The following MALRD1 variants were observed in gnomAD, a reference collection of about 807,000 sequenced individuals.
MALRD1 encodes the protein MAM and LDL-receptor class A domain-containing protein 1.
In MALRD1, 247 loss-of-function variants were observed where a neutral mutation model predicts 242.1. The ratio of observed to expected loss-of-function variants is 1.02; its 90% CI spans 0.92 to 1.13. MALRD1 has a LOEUF of 1.13. Ranked by LOEUF, MALRD1 falls within the 50% of genes most tolerant of loss-of-function variation. The pLI, the probability that MALRD1 is intolerant of heterozygous loss-of-function variation, is 0.00. For synonymous variants in MALRD1, 995 were observed against 866.6 expected (o/e 1.15, Z -2.60); for missense variants, 2,989 against 2,533.1 (o/e 1.18, Z -3.86).
intron 33 of MALRD1, among the ~76,000 whole-genome samples, chr10:19,570,590 A>G (rs1172599167): frequency 6.6e-6 from 1 of 152,026 alleles, no homozygotes; most frequent in Admixed American, 6.6e-5. Flanking sequence ...TTGAACACCT[A>G]TGTCATATAA....
intron 31 of MALRD1, among the ~76,000 whole-genome samples, chr10:19,508,990 A>G (rs1589171987): frequency 2.6e-5 from 4 of 152,312 alleles, no homozygotes; most frequent in Admixed American, 2.6e-4. Flanking sequence ...TCTATTTGAC[A>G]TCCAATCCAC....
In MALRD1 at chr10:19,611,636, T is replaced by A. The variant is rs78918937; in HGVS notation, c.6070+3734T>A. On this transcript the variant is annotated intron_variant, in intron 35 of 39. Transcript: ENST00000454679. ...ATCCCATAGATTCCCAGTTCCCATA[T>A]TGGGAATTATATCTACTTATCTCCT... Among the ~76,000 whole-genome samples the A allele has an allele frequency of 2.6e-3, 396 of 152,130 alleles. 6 individuals carry two copies. In the East Asian group the frequency reaches 0.059, roughly 23 times the overall value.
chr10:19,369,424 A>G (rs886107225), intron 26 of MALRD1, among the ~76,000 whole-genome samples: 4 of 148,200 alleles, frequency 2.7e-5, no homozygotes, highest in African/African-American at 9.8e-5. Context: ...TCTTCTATGG[A>G]GTAGCTGCTG....
intron 28 of MALRD1, among the ~76,000 whole-genome samples, chr10:19,423,919 A>G (rs1833806804): frequency 6.6e-6 from 1 of 152,268 alleles, no homozygotes; most frequent in African/African-American, 2.4e-5. Flanking sequence ...GACTAAATGG[A>G]GGTGATTATT....
chr10:19,581,326 G>A (rs1261594126), intron 33 of MALRD1, among the ~76,000 whole-genome samples: 112 of 137,612 alleles, frequency 8.1e-4, no homozygotes, highest in African/African-American at 6.4e-4. Context: ...CCACTAACTC[G>A]TCATCTAGCA....
intron 28 of MALRD1, among the ~76,000 whole-genome samples, chr10:19,395,083 G>T (rs1461371844): frequency 6.6e-6 from 1 of 152,148 alleles, no homozygotes; most frequent in Non-Finnish European, 1.5e-5. Context: ...AATCGTTTCA[G>T]TATCTTAGCA....
chr10:19,291,417 C>G (rs927575364), intron 21 of MALRD1: 1 of 152,056 alleles, frequency 6.6e-6, no homozygotes, highest in Non-Finnish European at 1.5e-5. Context: ...TGCAGTCACT[C>G]AAACCTGTAA....
intron 29 of MALRD1, chr10:19,491,131 T>G: frequency 2.5e-6 from 1 of 397,028 alleles, no homozygotes; most frequent in South Asian, 2.3e-5. Flanking sequence ...ACCAGGAGCA[T>G]TACGAGCAGC....
chr10:19,181,516 G>A, intron 14 of MALRD1, among the ~76,000 whole-genome samples: 1 of 152,168 alleles, frequency 6.6e-6, no homozygotes, highest in Non-Finnish European at 1.5e-5. Context: ...TACAGATATA[G>A]AGAATGAAAC....
chr10:19,125,314 C>T (rs557360333), intron 7 of MALRD1, among the ~76,000 whole-genome samples: 10,630 of 78,536 alleles, frequency 0.14, 792 homozygotes, highest in Admixed American at 0.19. Flanking sequence ...TCCTTCCTTC[C>T]TTCCTTCCTT....
At chr10:19,605,962 C>T (rs1431503722) in intron 34 of MALRD1, among the ~76,000 whole-genome samples, 1 of 152,002 alleles carries the variant, frequency 6.6e-6, no homozygotes, top group Non-Finnish European at 1.5e-5. Context: ...TATTCTAGCA[C>T]CTTAGGAAGA....
chr10:19,157,271 C>T (rs1166515376), intron 12 of MALRD1, among the ~76,000 whole-genome samples: 1 of 128,568 alleles, frequency 7.8e-6, no homozygotes, highest in African/African-American at 2.9e-5. Context: ...TTCTTTCTTT[C>T]CTTTTTTTTT....
At chr10:19,390,813 T>C (rs933585964) in intron 28 of MALRD1, among the ~76,000 whole-genome samples, 5 of 152,188 alleles carry the variant, frequency 3.3e-5, no homozygotes, top group African/African-American at 1.2e-4. Flanking sequence ...ATTGACTTTA[T>C]AACTTAGAAC....
At chr10:19,136,920 C>A in intron 10 of MALRD1, 139 bp downstream of exon 10, 2 of 511,480 alleles carry the variant, frequency 3.9e-6, no homozygotes, top group African/African-American at 2.0e-5. Context: ...CGCTCTGAAA[C>A]TATTAGTACT....
In MALRD1 at chr10:19,490,512, G is replaced by GA. The variant is rs77867495; in HGVS notation, c.5030-1005_5030-1004insA. 1.7e-3 allele frequency among the ~76,000 whole-genome samples: 199 copies of GA among 118,850 alleles called. 2 individuals carry two copies. Among genetic ancestry groups the GA allele is most frequent in the African/African-American group, 5.1e-3 (177 of 35,000 alleles). The allele number at this position is 118,850 out of a possible 152,430, so 78.0% of individuals were successfully genotyped here. On this transcript the variant is annotated intron_variant, in intron 29 of 39. Transcript: ENST00000454679. ...CAGAAGAAGCCAAGTGGGGCGGGGG[G>GA]GGGGCAGGGTTATGGGGGTGAGGGT...
chr10:19,533,307 C>T (rs2131355266), intron 32 of MALRD1, among the ~76,000 whole-genome samples: 1 of 152,270 alleles, frequency 6.6e-6, no homozygotes, highest in East Asian at 1.9e-4. Context: ...ACTGGTTTTT[C>T]TAACCAGAAG....
At chr10:19,323,815 T>C (rs1432616875) in intron 21 of MALRD1, 134 bp from the exon 22 acceptor site, 5 of 697,968 alleles carry the variant, frequency 7.2e-6, no homozygotes, top group Non-Finnish European at 1.2e-5. Flanking sequence ...TTCATCATGG[T>C]AGCCAGGCTG....
At chr10:19,514,322 T>C (rs1333341151) in intron 31 of MALRD1, among the ~76,000 whole-genome samples, 3 of 152,192 alleles carry the variant, frequency 2.0e-5, no homozygotes, top group African/African-American at 7.2e-5. Context: ...TACAATATAA[T>C]TGAAATAAGG....
intron 12 of MALRD1, among the ~76,000 whole-genome samples, chr10:19,161,502 A>T (rs1233589285): frequency 7.5e-6 from 1 of 133,254 alleles, no homozygotes; most frequent in Non-Finnish European, 1.6e-5. Flanking sequence ...TTAGAGTATA[A>T]TAAAAAAAAT....
Sources: gnomAD v4.1 joint callset for allele counts (sites outside exome capture counted in the v4.1 genomes callset) on GRCh38, gnomAD v4.1.1 for gene constraint, MANE v1.5 for transcripts, NCBI Gene and HGNC (gene_info 2026-07-23, HGNC 2026-07-21) for gene names.